The following RASGRF2 variants were observed in gnomAD, a reference collection of about 807,000 sequenced individuals.
RASGRF2 encodes Ras protein specific guanine nucleotide releasing factor 2.
In RASGRF2, 76 loss-of-function variants were observed where a neutral mutation model predicts 151.0. The observed-to-expected ratio is 0.50, with a 90% confidence interval of 0.42 to 0.61. The LOEUF (loss-of-function observed/expected upper bound fraction) is 0.61, where lower values mean the gene tolerates loss of function less well. Ranked by LOEUF, RASGRF2 falls within the 20% of genes least tolerant of loss-of-function variation. The pLI, the probability that RASGRF2 is intolerant of heterozygous loss-of-function variation, is 0.00. For synonymous variants in RASGRF2, 504 were observed against 566.5 expected (o/e 0.89, Z 1.57); for missense variants, 1,148 against 1,564.6 (o/e 0.73, Z 4.49).
chr5:80,992,377 G>A (rs1030300816), intron 1 of RASGRF2, among the ~76,000 whole-genome samples: 3 of 152,142 alleles, frequency 2.0e-5, no homozygotes, highest in African/African-American at 7.2e-5. Context: ...CCCCATGCCT[G>A]TAGGGAATTG....
Position 81,215,970 on chromosome 5 carries a change from ATTAT to A in RASGRF2, c.3434+17_3434+20del. On this transcript the variant is annotated intron_variant, in intron 24 of 26. Transcript: ENST00000265080. The stretch of plus-strand genomic sequence containing the variant: ...ACCCTTAAAAAGTATGTCTATCTTA[ATTAT>A]TAAATTATTCATAATTCAGAAATAT... The A allele has an allele frequency of 6.7e-7, 1 of 1,484,668 alleles. No homozygotes were observed. The highest frequency in any genetic ancestry group is 8.9e-7 in the Non-Finnish European group (1 of 1,125,246). The allele number at this position is 1,484,668 out of a possible 1,614,324, so 92.0% of individuals were successfully genotyped here. A position where few individuals can be genotyped will look rare whatever the true frequency, so the allele number is the denominator to read the frequency against.
At chr5:81,011,165 C>T in intron 1 of RASGRF2, among the ~76,000 whole-genome samples, 1 of 152,186 alleles carries the variant, frequency 6.6e-6, no homozygotes, top group South Asian at 2.1e-4. Context: ...TATTTACTTC[C>T]AGTTACTTTT....
At chr5:80,975,681 A>G (rs576115648) in intron 1 of RASGRF2, among the ~76,000 whole-genome samples, 5 of 152,290 alleles carry the variant, frequency 3.3e-5, no homozygotes, top group Admixed American at 2.0e-4. Context: ...ATCCTTATTT[A>G]CTAATGAGTG....
At chr5:80,971,655 T>A (rs930319208) in intron 1 of RASGRF2, among the ~76,000 whole-genome samples, 4 of 151,804 alleles carry the variant, frequency 2.6e-5, no homozygotes, top group African/African-American at 9.7e-5. Context: ...AGCCTTGACG[T>A]CCTGGGCTCA....
At chr5:81,194,712 C>G (rs937130067) in intron 18 of RASGRF2, among the ~76,000 whole-genome samples, 51 of 152,284 alleles carry the variant, frequency 3.3e-4, no homozygotes, top group African/African-American at 1.2e-3. Flanking sequence ...CAGGCCCAGC[C>G]TCTCCTAAGG....
chr5:81,068,498 A>T (rs1751680949), intron 3 of RASGRF2, among the ~76,000 whole-genome samples: 1 of 151,878 alleles, frequency 6.6e-6, no homozygotes, highest in Non-Finnish European at 1.5e-5. Flanking sequence ...CAGATACCCT[A>T]CAGTAATGAT....
At chr5:81,040,294 C>G (rs1750639863) in intron 1 of RASGRF2, among the ~76,000 whole-genome samples, 1 of 152,118 alleles carries the variant, frequency 6.6e-6, no homozygotes, top group South Asian at 2.1e-4. Context: ...CAGGTGTGAG[C>G]CACCATGCTT....
At chr5:81,067,178 G>T (rs750536000) in intron 2 of RASGRF2, among the ~76,000 whole-genome samples, 1 of 152,150 alleles carries the variant, frequency 6.6e-6, no homozygotes, top group Non-Finnish European at 1.5e-5. Flanking sequence ...GGGATTATGA[G>T]ATGAAATAAT....
At chr5:81,052,159 A>G (rs1021254240) in intron 2 of RASGRF2, among the ~76,000 whole-genome samples, 1 of 152,222 alleles carries the variant, frequency 6.6e-6, no homozygotes, top group Non-Finnish European at 1.5e-5. Flanking sequence ...TGAAAGTCTC[A>G]GTGTTAGGAA....
At chr5:80,969,627 A>G (rs1747851926) in intron 1 of RASGRF2, among the ~76,000 whole-genome samples, 4 of 140,702 alleles carry the variant, frequency 2.8e-5, no homozygotes, top group Middle Eastern at 8.9e-3. Flanking sequence ...TTTTTTTTGT[A>G]TTTTTAGTAG....
chr5:80,989,653 A>C (rs1448474302), intron 1 of RASGRF2, among the ~76,000 whole-genome samples: 1 of 152,232 alleles, frequency 6.6e-6, no homozygotes, highest in East Asian at 1.9e-4. Flanking sequence ...GAGATCTGGA[A>C]GATGGAGATG....
chr5:81,220,418 A>G (rs373842269), intron 26 of RASGRF2, among the ~76,000 whole-genome samples: 2 of 152,192 alleles, frequency 1.3e-5, no homozygotes, highest in African/African-American at 4.8e-5. Flanking sequence ...CTCACAGCCA[A>G]TGTCCCTATT....
At chr5:81,130,530 G>A (rs28367480) in intron 17 of RASGRF2, among the ~76,000 whole-genome samples, 1 of 152,130 alleles carries the variant, frequency 6.6e-6, no homozygotes, top group Non-Finnish European at 1.5e-5. Context: ...GCAGAGAGCA[G>A]AAGGTGTACT....
At chr5:81,190,379 G>A (rs10055900) in intron 18 of RASGRF2, among the ~76,000 whole-genome samples, 87,161 of 151,958 alleles carry the variant, frequency 0.57, 25,377 homozygotes, top group Middle Eastern at 0.77. Flanking sequence ...TTCTTCAGAG[G>A]TTCCTGGGTC....
intron 15 of RASGRF2, among the ~76,000 whole-genome samples, chr5:81,114,486 G>T (rs968198390): frequency 6.6e-6 from 1 of 152,228 alleles, no homozygotes; most frequent in Admixed American, 6.5e-5. Flanking sequence ...AATTGCTTGT[G>T]ACGTAGCCAA....
chr5:80,971,926 C>G (rs1747950476), intron 1 of RASGRF2, among the ~76,000 whole-genome samples: 1 of 151,354 alleles, frequency 6.6e-6, no homozygotes, highest in African/African-American at 2.4e-5. Context: ...TTTTTAGAGA[C>G]AGTGTCTCCT....
chr5:80,961,076 C>G (rs1458856961), intron 1 of RASGRF2, 50 bp downstream of exon 1: 2 of 1,400,228 alleles, frequency 1.4e-6, no homozygotes, highest in Non-Finnish European at 1.9e-6. Context: ...CGCCGCACTC[C>G]CTTGCCGTCC....
intron 5 of RASGRF2, among the ~76,000 whole-genome samples, chr5:81,076,310 G>T (rs1330281140): frequency 6.6e-6 from 1 of 152,204 alleles, no homozygotes; most frequent in African/African-American, 2.4e-5. Flanking sequence ...GAGGAGAGAG[G>T]GAATTGCTGA....
intron 2 of RASGRF2, among the ~76,000 whole-genome samples, chr5:81,063,261 T>G (rs927735029): frequency 3.3e-5 from 5 of 152,138 alleles, no homozygotes; most frequent in African/African-American, 1.2e-4. Flanking sequence ...TGTTTTTTCT[T>G]TTTTAGATGG....
Sources: gnomAD v4.1 joint callset for allele counts (sites outside exome capture counted in the v4.1 genomes callset) on GRCh38, gnomAD v4.1.1 for gene constraint, MANE v1.5 for transcripts, NCBI Gene and HGNC (gene_info 2026-07-23, HGNC 2026-07-21) for gene names.